TRIM72: variants seen among roughly 807,000 people sequenced by gnomAD.
The protein encoded by TRIM72 is tripartite motif containing 72.
In TRIM72, 33 loss-of-function variants were observed where a neutral mutation model predicts 31.6. The observed-to-expected ratio is 1.04, with a 90% CI of 0.79 to 1.40. The LOEUF is 1.40. Ranked by LOEUF, TRIM72 falls within the 40% of genes most tolerant of loss-of-function variation. The pLI is 0.00. For synonymous variants in TRIM72, 301 were observed against 314.4 expected (o/e 0.96, Z 0.45); for missense variants, 666 against 682.7 (o/e 0.98, Z 0.27).
Position 31,224,181 on chromosome 16 carries a change from C to G in TRIM72, c.860C>G (p.Ala287Gly), listed in dbSNP as rs1156785619. ...TTTCTGACCGTGTTCTCTCTGGCAG[C>G]GCTGGAGGAGCTGACCTTTGACCCG... ...WRKMFRALMP[A>G]LEELTFDPSS... Residue 287 changes from alanine (A) to glycine (G), a missense_variant and splice_region_variant, in exon 7 of 7, where the codon GCG becomes GGG. By Grantham distance (60) the Ala-to-Gly change is moderately conservative (BLOSUM62 0). Coordinates refer to ENST00000322122, the MANE Select transcript of TRIM72 (RefSeq NM_001008274.4). 6.2e-7 allele frequency: 1 copy of G among 1,601,736 alleles called. No homozygotes were observed.
intron 4 of TRIM72, among the ~76,000 whole-genome samples, chr16:31,220,691 G>C (rs1443167711): frequency 1.3e-5 from 2 of 150,696 alleles, no homozygotes; most frequent in African/African-American, 4.9e-5. Flanking sequence ...GGCTGGTCTC[G>C]AACTCCTGGC....
rs2079509648 is a variant in TRIM72, at chr16:31,216,578, C to T, written c.390+1450C>T. On this transcript the variant is annotated intron_variant, in intron 2 of 6. Transcript: ENST00000322122. The surrounding 1 kb of genome is among the most constrained non-coding windows in gnomAD (Gnocchi z 6.7). ...GGCAGTGGGGCGAGATGCAGCCCAC[C>T]AGGGTTCGCGGCAGCCCAGCCCTTC... 6.6e-6 allele frequency among the ~76,000 whole-genome samples: 1 copy of T among 152,192 alleles called. No individual in the cohort carries two copies. The highest frequency in any genetic ancestry group is 1.5e-5 in the Non-Finnish European group (1 of 68,014).
In TRIM72 at chr16:31,214,969, G is replaced by A. The variant is rs1267927892; in HGVS notation, c.231G>A (p.Gly77=). The part of the protein sequence containing the change: ...TNLQLARLVE[G]LAQVPQGHCE... Reference sequence around the variant, plus strand: ...TGCAGCTGGCGCGCCTGGTGGAGGGGCTGGCCCAGGTGCCGCAGGGCCACT... The same window carrying A: ...TGCAGCTGGCGCGCCTGGTGGAGGGACTGGCCCAGGTGCCGCAGGGCCACT... Residue 77 remains glycine, a synonymous_variant, in exon 2 of 7, where the codon GGG becomes GGA. Coordinates refer to ENST00000322122, the MANE Select transcript of TRIM72 (RefSeq NM_001008274.4). 1.3e-6 allele frequency: 2 copies of A among 1,489,388 alleles called. No individual in the cohort carries two copies. The highest frequency in any genetic ancestry group is 1.3e-5 in the South Asian group (1 of 78,008). 92.3% of individuals were successfully genotyped at this position (1,489,388 alleles called of 1,614,324 possible).
At chr16:31,223,434 T>G (rs1311206191) in intron 6 of TRIM72, among the ~76,000 whole-genome samples, 1 of 152,162 alleles carries the variant, frequency 6.6e-6, no homozygotes, top group Admixed American at 6.5e-5. Flanking sequence ...ACATACACAT[T>G]GCTGGGGCAG....
chr16:31,228,971 A>G lies in TRIM72; in HGVS notation c.*4216A>G, dbSNP rs1025700270. ...CACCACCATTTCCTGTCCTCTCTTG[A>G]CCTTCTAGGCCTCCAGGAAGAATCA... On this transcript the variant is annotated 3_prime_UTR_variant, in exon 7 of 7. Coordinates refer to ENST00000322122, the MANE Select transcript of TRIM72 (RefSeq NM_001008274.4). 6.6e-6 allele frequency: 1 copy of G among 151,962 alleles called. No individual in the cohort carries two copies. Among genetic ancestry groups the G allele is most frequent in the African/African-American group, 2.4e-5 (1 of 41,254 alleles). The allele number at this position is 151,962 out of a possible 1,614,324, so 9.4% of individuals were successfully genotyped here.
Position 31,231,266 on chromosome 16 carries a change from C to T in TRIM72, c.*6511C>T, listed in dbSNP as rs192918304. 1.4e-3 allele frequency: 218 copies of T among 152,148 alleles called. No individual in the cohort carries two copies. Among genetic ancestry groups the T allele is most frequent in the South Asian group, 1.7e-3 (8 of 4,814 alleles). The allele number at this position is 152,148 out of a possible 1,614,324, so 9.4% of individuals were successfully genotyped here. ...GTCTCCATCTCCTGACCTCGTGATCCGCCCGCCTCGGCCTCCCAAAGTGCT... is the reference window on the plus strand; with the variant it reads ...GTCTCCATCTCCTGACCTCGTGATCTGCCCGCCTCGGCCTCCCAAAGTGCT... On this transcript the variant is annotated 3_prime_UTR_variant, in exon 7 of 7. Transcript: ENST00000322122.
intron 5 of TRIM72, among the ~76,000 whole-genome samples, chr16:31,221,714 GGGGAGAAAGGCATTGCT>G (rs2079535094): frequency 7.1e-6 from 1 of 140,222 alleles, no homozygotes; most frequent in Non-Finnish European, 1.5e-5. Context: ...AGGGCATTGC[GGGGAGAAAGGCATTGCT>G]GGGAGAAGAA....
In TRIM72 at chr16:31,224,466, T is replaced by A; in HGVS notation, c.1145T>A (p.Leu382Gln). Residue 382 changes from leucine (L) to glutamine (Q), a missense_variant, in exon 7 of 7, where the codon CTG becomes CAG. Physicochemically the swap from Leu to Gln is moderately radical, Grantham distance 113 (BLOSUM62 -2). Transcript: ENST00000322122. ...GCGGTGCCCTCGCAGGGCCTGTGGC[T>A]GCTGGGGCTGCGCGAGGGCAAGATC... Reference protein sequence around the residue: ...LHAVPSQGLWLLGLREGKILE... With the variant: ...LHAVPSQGLWQLGLREGKILE... The A allele has an allele frequency of 6.8e-7, 1 of 1,470,612 alleles. No individual in the cohort carries two copies. The highest frequency in any genetic ancestry group is 8.9e-7 in the Non-Finnish European group (1 of 1,122,370). The allele number at this position is 1,470,612 out of a possible 1,614,324, so 91.1% of individuals were successfully genotyped here. A position where few individuals can be genotyped will look rare whatever the true frequency, so the allele number is the denominator to read the frequency against.
Position 31,215,029 on chromosome 16 carries a change from C to G in TRIM72, c.291C>G (p.Cys97Trp). Residue 97 changes from cysteine to tryptophan, a missense_variant, in exon 2 of 7, where the codon TGC (cysteine) becomes TGG (tryptophan). By Grantham distance (215) the Cys-to-Trp change is radical (BLOSUM62 -2). Coordinates refer to ENST00000322122, the MANE Select transcript of TRIM72 (RefSeq NM_001008274.4). This position sits in a 1 kb window ranked among gnomAD's most constrained non-coding sequence, Gnocchi z 6.3. ...ACCTGGACCCGCTGAGCATCTACTG[C>G]GAGCAGGACCGCGCGCTGGTGTGCG... ...EEHLDPLSIYCEQDRALVCGV... is the reference protein window; with the variant it reads ...EEHLDPLSIYWEQDRALVCGV... 1.3e-6 allele frequency: 2 copies of G among 1,503,382 alleles called. No individual in the cohort carries two copies. The highest frequency in any genetic ancestry group is 1.8e-6 in the Non-Finnish European group (2 of 1,134,242). 93.1% of individuals were successfully genotyped at this position (1,503,382 alleles called of 1,614,324 possible).
At chr16:31,218,883 C>A (rs1267837994) in intron 2 of TRIM72, among the ~76,000 whole-genome samples, 2 of 151,996 alleles carry the variant, frequency 1.3e-5, no homozygotes, top group South Asian at 4.2e-4. Flanking sequence ...AATAAAAAAC[C>A]GCACCAAAAT....
Position 31,228,758 on chromosome 16 carries a change from A to AT in TRIM72, c.*4008dup, listed in dbSNP as rs1356246772. The AT allele has an allele frequency of 6.6e-6, 1 of 151,562 alleles. No individual in the cohort carries two copies. The highest frequency in any genetic ancestry group is 6.6e-5 in the Admixed American group (1 of 15,184). 9.4% of individuals were successfully genotyped at this position (151,562 alleles called of 1,614,324 possible). On this transcript the variant is annotated 3_prime_UTR_variant, in exon 7 of 7. Transcript: ENST00000322122. The stretch of plus-strand genomic sequence containing the variant: ...GGTTAGTTTTTTCATTTTTATTTGT[A>AT]TTTTTAGTAGAGGCGGGGTTTTGCC...
Sources: allele counts gnomAD v4.1 joint callset (sites outside exome capture counted in the v4.1 genomes callset), GRCh38; gene constraint gnomAD v4.1.1; non-coding constraint Gnocchi (gnomAD v3.1); transcripts MANE v1.5; gene names NCBI Gene and HGNC (gene_info 2026-07-23, HGNC 2026-07-21).